The following LIN54 variants were observed in gnomAD, a reference collection of about 807,000 sequenced individuals.
LIN54 encodes lin-54 DREAM MuvB core complex component.
LIN54 carries 9 observed loss-of-function variants against 78.7 expected under a neutral mutation model. The ratio of observed to expected loss-of-function variants is 0.11; its 90% CI spans 0.07 to 0.20. LIN54 has a LOEUF of 0.20. LIN54 is among the 10% of genes least tolerant of loss of function. The pLI is 1.00. For synonymous variants in LIN54, 269 were observed against 318.4 expected (o/e 0.84, Z 1.65); for missense variants, 573 against 889.9 (o/e 0.64, Z 4.53).
At chr4:82,963,308 T>C (rs1724951543) in intron 4 of LIN54, among the ~76,000 whole-genome samples, 1 of 152,164 alleles carries the variant, frequency 6.6e-6, no homozygotes, top group South Asian at 2.1e-4. Context: ...TGAGAGAATC[T>C]ATTGTCAGTA....
At chr4:82,929,958 C>A (rs148534423) in intron 12 of LIN54, among the ~76,000 whole-genome samples, 1 of 152,070 alleles carries the variant, frequency 6.6e-6, no homozygotes, top group African/African-American at 2.4e-5. Context: ...AGTGCAATTG[C>A]GTGATCTTGG....
chr4:82,964,592 T>G (rs1421418973), intron 4 of LIN54, among the ~76,000 whole-genome samples: 1 of 152,206 alleles, frequency 6.6e-6, no homozygotes, highest in East Asian at 1.9e-4. Context: ...AAATTCTTTT[T>G]CTATTATTGT....
At chr4:82,996,360 G>A (rs934005642) in intron 1 of LIN54, among the ~76,000 whole-genome samples, 1 of 152,068 alleles carries the variant, frequency 6.6e-6, no homozygotes. Flanking sequence ...AGGTATGGTA[G>A]AGAAAGAATC....
rs1171981373 is a variant in LIN54 at position 82,946,241 on chromosome 4, A to T, written c.1168+17T>A. ...GTTAAAAGCATGAATTACTGTTTTT[A>T]AAAAATGGTTACTAACCTTGCTGAA... On this transcript the variant is annotated intron_variant, in intron 5 of 12. Transcript: ENST00000340417. 6.3e-7 allele frequency: 1 copy of T among 1,586,966 alleles called. No individual in the cohort carries two copies. The highest frequency in any genetic ancestry group is 1.7e-5 in the Admixed American group (1 of 59,978).
rs1207992875 is a variant in LIN54 at position 82,947,207 on chromosome 4, T to TTATATA, written c.952-739_952-734dup. Among the ~76,000 whole-genome samples the TTATATA allele has an allele frequency of 2.3e-3, 178 of 76,186 alleles. 9 individuals are homozygous for TTATATA. The Admixed American group carries it at 0.026, about 11-fold the overall frequency. 50.0% of individuals were successfully genotyped at this position (76,186 alleles called of 152,430 possible). ...TGTATTCCCTGAGTCAAAAAAAAAT[T>TTATATA]TATATATATATATATATATATATAT... On this transcript the variant is annotated intron_variant, in intron 4 of 12. Transcript: ENST00000340417.
At position 82,938,410 on chromosome 4, in the gene LIN54, C is replaced by A. The variant is rs373060360; in HGVS notation, c.1532+3G>T. On this transcript the variant is annotated splice_donor_region_variant and intron_variant, in intron 8 of 12. Transcript: ENST00000340417. ...CTTATGTACCTATTTTCAAAATACT[C>A]ACCCATTGAATGGAAGCCGTGCCTG... 2 of 1,552,738 alleles carry A rather than the reference C, an allele frequency of 1.3e-6. No homozygotes were observed. Among genetic ancestry groups the A allele is most frequent in the Non-Finnish European group, 1.8e-6 (2 of 1,124,732 alleles).
intron 1 of LIN54, among the ~76,000 whole-genome samples, chr4:83,002,135 G>A (rs1183739375): frequency 6.6e-6 from 1 of 151,088 alleles, no homozygotes; most frequent in African/African-American, 2.4e-5. Flanking sequence ...TAGACAATCG[G>A]CATTATTCAA....
chr4:82,962,445 C>T (rs1030377068), intron 4 of LIN54, among the ~76,000 whole-genome samples: 4 of 152,056 alleles, frequency 2.6e-5, no homozygotes, highest in Admixed American at 6.6e-5. Context: ...AAAATCCAGA[C>T]GGACATTCTA....
chr4:82,935,850 C>G, intron 11 of LIN54, 131 bp downstream of exon 11: 5 of 887,646 alleles, frequency 5.6e-6, no homozygotes, highest in Non-Finnish European at 9.0e-6. Flanking sequence ...AAACAAGGGC[C>G]TTTGCACCAA....
chr4:82,975,011 T>C (rs1480222878), intron 3 of LIN54, among the ~76,000 whole-genome samples: 1 of 152,152 alleles, frequency 6.6e-6, no homozygotes, highest in Non-Finnish European at 1.5e-5. Flanking sequence ...ATGGTGGTGA[T>C]GGTTGTATAA....
At chr4:82,964,730 G>T (rs1725067826) in intron 4 of LIN54, among the ~76,000 whole-genome samples, 1 of 151,642 alleles carries the variant, frequency 6.6e-6, no homozygotes, top group Non-Finnish European at 1.5e-5. Context: ...AGAAAAAAAA[G>T]AAAAAAATTT....
At chr4:82,988,622 A>C (rs1196618588) in intron 1 of LIN54, among the ~76,000 whole-genome samples, 5 of 152,212 alleles carry the variant, frequency 3.3e-5, no homozygotes, top group Non-Finnish European at 7.3e-5. Context: ...GAAACTGCTA[A>C]ACTATTTCCC....
At chr4:82,929,805 C>G (rs1177273814) in intron 12 of LIN54, among the ~76,000 whole-genome samples, 2 of 151,990 alleles carry the variant, frequency 1.3e-5, no homozygotes, top group East Asian at 1.9e-4. Context: ...GACTCTATCT[C>G]AAAAAGAAAA....
At chr4:83,004,747 C>A (rs1005786292) in intron 1 of LIN54, among the ~76,000 whole-genome samples, 2 of 152,192 alleles carry the variant, frequency 1.3e-5, no homozygotes, top group Non-Finnish European at 2.9e-5. Flanking sequence ...TATCCTGCCA[C>A]CTTGGCCTCC....
chr4:82,993,762 C>T (rs536994259), intron 1 of LIN54, among the ~76,000 whole-genome samples: 24 of 152,028 alleles, frequency 1.6e-4, no homozygotes, highest in Admixed American at 8.5e-4. Flanking sequence ...GGATTAGAGG[C>T]GCATGCCACC....
At chr4:82,990,669 G>C (rs1727609233) in intron 1 of LIN54, among the ~76,000 whole-genome samples, 1 of 151,958 alleles carries the variant, frequency 6.6e-6, no homozygotes, top group African/African-American at 2.4e-5. Flanking sequence ...ATTTTTAGTA[G>C]AGACAGGGTT....
chr4:82,982,334 C>A (rs1194230373), intron 2 of LIN54, among the ~76,000 whole-genome samples: 2 of 152,104 alleles, frequency 1.3e-5, no homozygotes, highest in Non-Finnish European at 2.9e-5. Flanking sequence ...GCTCAAGCGA[C>A]CCTCTCACCT....
chr4:82,964,920 C>T (rs1725082731), intron 4 of LIN54, among the ~76,000 whole-genome samples: 1 of 152,102 alleles, frequency 6.6e-6, no homozygotes, highest in Non-Finnish European at 1.5e-5. Flanking sequence ...ATCACTTGAA[C>T]CCGGGAGGCA....
At chr4:82,938,359 C>T in intron 8 of LIN54, 54 bp downstream of exon 8, 3 of 950,966 alleles carry the variant, frequency 3.2e-6, no homozygotes, top group South Asian at 2.7e-5. Context: ...TATATATTTA[C>T]TGTTGCATTT....
Sources: gnomAD v4.1 joint callset for allele counts (sites outside exome capture counted in the v4.1 genomes callset) on GRCh38, gnomAD v4.1.1 for gene constraint, MANE v1.5 for transcripts, NCBI Gene and HGNC (gene_info 2026-07-23, HGNC 2026-07-21) for gene names.